KCNJ16: variants seen among roughly 807,000 people sequenced by gnomAD.
The protein encoded by KCNJ16 is inward rectifier potassium channel 16.
Under a neutral mutation model 18.5 loss-of-function variants are expected in KCNJ16, and 15 were observed. The observed-to-expected ratio is 0.81, with a 90% CI of 0.54 to 1.25. The LOEUF (loss-of-function observed/expected upper bound fraction) is 1.25. Among genes scored for constraint, KCNJ16 ranks in the 50% most tolerant of loss-of-function variants. The pLI is 0.00. For synonymous variants in KCNJ16, 174 were observed against 186.5 expected, an observed-to-expected ratio of 0.93 and a Z score of 0.55; for missense variants, 523 against 525.7, an observed-to-expected ratio of 0.99 and a Z score of 0.05.
At position 70,132,792 on chromosome 17, in the gene KCNJ16, T is replaced by G. The variant is rs1193944435; in HGVS notation, c.705T>G (p.Phe235Leu). 6.2e-7 allele frequency: 1 copy of G among 1,613,972 alleles called. No individual in the cohort carries two copies. Among genetic ancestry groups the G allele is most frequent in the South Asian group, 1.1e-5 (1 of 91,078 alleles). The stretch of plus-strand genomic sequence containing the variant: ...GTGAAGGGAGGATGACGATGGCATT[T>G]AAAGACCTCAAATTAGTCAACGACC... ...EDSEGRMTMA[F>L]KDLKLVNDQI... Residue 235 changes from phenylalanine (F) to leucine (L), a missense_variant, in exon 4 of 4, where the codon TTT (phenylalanine) becomes TTG (leucine). By Grantham distance (22) the Phe-to-Leu change is conservative. Transcript: ENST00000392671.
chr17:70,118,756 G>T (rs1242097517), intron 2 of KCNJ16, among the ~76,000 whole-genome samples: 2 of 152,062 alleles, frequency 1.3e-5, no homozygotes, highest in African/African-American at 2.4e-5. Flanking sequence ...TCCAGCACTG[G>T]GGAATACATT....
chr17:70,086,114 A>G (rs1299722593), intron 1 of KCNJ16, among the ~76,000 whole-genome samples: 2 of 152,320 alleles, frequency 1.3e-5, no homozygotes, highest in East Asian at 3.9e-4. Context: ...GTCTTTACTT[A>G]ATTAATTCAA....
intron 1 of KCNJ16, among the ~76,000 whole-genome samples, chr17:70,079,752 G>C (rs2057484484): frequency 1.3e-5 from 2 of 152,174 alleles, no homozygotes; most frequent in Admixed American, 6.5e-5. Context: ...GCCTAGGCTA[G>C]AGGGCAGTGG....
rs2144280968 is a variant in KCNJ16 at position 70,130,876 on chromosome 17, C to T, written c.-190-3C>T. 3 of 1,185,372 alleles carry T rather than the reference C, an allele frequency of 2.5e-6. No homozygotes were observed. The highest frequency in any genetic ancestry group is 3.6e-6 in the Non-Finnish European group (3 of 827,906). The allele number at this position is 1,185,372 out of a possible 1,614,324, so 73.4% of individuals were successfully genotyped here. ...TACTTTTATTTTTGTTTGTTTTGCA[C>T]AGGAGTAACTCAAGATGATTTTGAT... On this transcript the variant is annotated splice_region_variant and splice_polypyrimidine_tract_variant and intron_variant, in intron 2 of 3. Transcript: ENST00000392671.
intron 2 of KCNJ16, among the ~76,000 whole-genome samples, chr17:70,130,120 G>A (rs2074006386): frequency 6.6e-6 from 1 of 151,984 alleles, no homozygotes; most frequent in South Asian, 2.1e-4. Context: ...GAAATCATAT[G>A]GACCTTTGAT....
intron 1 of KCNJ16, among the ~76,000 whole-genome samples, chr17:70,084,446 A>G (rs2071703077): frequency 6.6e-6 from 1 of 152,234 alleles, no homozygotes; most frequent in Non-Finnish European, 1.5e-5. Flanking sequence ...TGAGATTAAT[A>G]CACACAAACG....
Position 70,107,165 on chromosome 17 carries a change from T to G in KCNJ16, c.-191+6399T>G, listed in dbSNP as rs1025617510. Among the ~76,000 whole-genome samples, 4 of 152,110 alleles carry G rather than the reference T, an allele frequency of 2.6e-5. 1 individual carries two copies. The highest frequency in any genetic ancestry group is 5.9e-5 in the Non-Finnish European group (4 of 68,024). ...TTTAAAAAGACAGAGAACACAGAGG[T>G]AAAATAACTGCTCTGAGTTCACATA... On this transcript the variant is annotated intron_variant, in intron 2 of 3. Transcript: ENST00000392671.
chr17:70,085,449 G>T lies in KCNJ16; in HGVS notation c.-300+10059G>T, dbSNP rs1238729571. On this transcript the variant is annotated intron_variant, in intron 1 of 3. Coordinates refer to ENST00000392671, the MANE Select transcript of KCNJ16 (RefSeq NM_170741.4). ...TAGATTTGAACTATGTAGTCATGTA[G>T]TAAAGGTATGGGCTTTTAACCAGTA... Among the ~76,000 whole-genome samples the T allele has an allele frequency of 2.0e-5, 3 of 152,292 alleles. No individual in the cohort carries two copies. The East Asian group carries it at 5.8e-4, about 29-fold the overall frequency.
intron 1 of KCNJ16, among the ~76,000 whole-genome samples, chr17:70,076,992 G>A (rs562098028): frequency 1.3e-5 from 2 of 152,288 alleles, no homozygotes; most frequent in Admixed American, 6.5e-5. Flanking sequence ...TGTCAAAGAA[G>A]TCTTCACTAA....
intron 2 of KCNJ16, chr17:70,108,275 C>G (rs2073022538): frequency 1.3e-5 from 2 of 152,316 alleles, no homozygotes; most frequent in Middle Eastern, 3.4e-3. Flanking sequence ...AGTTTCTTCT[C>G]TGTTTTTTCT....
At chr17:70,083,356 T>TATGC (rs146901719) in intron 1 of KCNJ16, among the ~76,000 whole-genome samples, 1 of 150,780 alleles carries the variant, frequency 6.6e-6, no homozygotes, top group Non-Finnish European at 1.5e-5. Context: ...GTATTGTGTG[T>TATGC]ATGTATGTAT....
intron 2 of KCNJ16, among the ~76,000 whole-genome samples, chr17:70,103,358 C>T (rs113985881): frequency 0.012 from 1,300 of 106,114 alleles, 8 homozygotes; most frequent in African/African-American, 0.031. Context: ...GTCAAGACAG[C>T]GTCTCACTAT....
intron 2 of KCNJ16, among the ~76,000 whole-genome samples, chr17:70,129,180 A>G (rs1194641149): frequency 6.6e-6 from 1 of 152,224 alleles, no homozygotes; most frequent in Non-Finnish European, 1.5e-5. Flanking sequence ...CAACATGTAA[A>G]AAATTACAAA....
Position 70,132,613 on chromosome 17 carries a change from C to G in KCNJ16, c.526C>G (p.Arg176Gly), listed in dbSNP as rs189237891. The change falls in exon 4 of 4, where the codon CGA becomes GGA. Residue 176 changes from arginine (R) to glycine (G), a missense_variant. By Grantham distance (125) the Arg-to-Gly change is moderately radical. Transcript: ENST00000392671. The part of the protein sequence containing the change: ...GAALAKMATA[R>G]KRAQTIRFSY... ...TGCCTTGGCCAAAATGGCAACTGCTCGAAAGAGAGCCCAAACCATTCGTTT... is the reference window on the plus strand; with the variant it reads ...TGCCTTGGCCAAAATGGCAACTGCTGGAAAGAGAGCCCAAACCATTCGTTT... The G allele has an allele frequency of 1.2e-6, 2 of 1,614,142 alleles. No individual in the cohort carries two copies. The highest frequency in any genetic ancestry group is 2.2e-5 in the East Asian group (1 of 44,878).
At chr17:70,103,303 T>TG (rs1567789385) in intron 2 of KCNJ16, among the ~76,000 whole-genome samples, 1 of 18,830 alleles carries the variant, frequency 5.3e-5, no homozygotes, top group Admixed American at 5.7e-4. Flanking sequence ...TGTGTATATA[T>TG]ATATATATAT....
rs760841571 is a variant in KCNJ16 at position 70,131,977 on chromosome 17, G to A, written c.-93-18G>A. The A allele has an allele frequency of 4.6e-6, 7 of 1,538,170 alleles. 1 individual carries two copies. Among genetic ancestry groups the A allele is most frequent in the South Asian group, 3.6e-5 (3 of 83,760 alleles). On this transcript the variant is annotated intron_variant, in intron 3 of 3. Coordinates refer to ENST00000392671, the MANE Select transcript of KCNJ16 (RefSeq NM_170741.4). ...ATTGAAAGCTAAAAAGTGTGTTTTT[G>A]TTGTTGTTGTTTTTTAGGTTCTAAC...
chr17:70,092,248 T>A (rs1382387048), intron 1 of KCNJ16, among the ~76,000 whole-genome samples: 1 of 152,188 alleles, frequency 6.6e-6, no homozygotes, highest in Admixed American at 6.5e-5. Flanking sequence ...AAACCATATA[T>A]GCAAGTTTAC....
intron 2 of KCNJ16, among the ~76,000 whole-genome samples, chr17:70,106,472 TGATA>T (rs1340604646): frequency 7.2e-5 from 11 of 152,228 alleles, no homozygotes. Flanking sequence ...GGAGAGAAAC[TGATA>T]GAGAGAGTGA....
intron 2 of KCNJ16, chr17:70,104,881 G>A (rs1263262198): frequency 1.3e-5 from 2 of 152,698 alleles, no homozygotes; most frequent in Non-Finnish European, 2.9e-5. Flanking sequence ...TGTCTGTGGT[G>A]AATGTATCCG....
Sources: gnomAD v4.1 joint callset for allele counts (sites outside exome capture counted in the v4.1 genomes callset) on GRCh38, gnomAD v4.1.1 for gene constraint, MANE v1.5 for transcripts, NCBI Gene and HGNC (gene_info 2026-07-23, HGNC 2026-07-21) for gene names.